FAT1: variants seen among roughly 807,000 people sequenced by gnomAD.
FAT1 encodes the protein FAT atypical cadherin 1.
FAT1 carries 171 observed loss-of-function variants against 329.8 expected under a neutral mutation model. The ratio of observed to expected loss-of-function variants is 0.52; its 90% CI spans 0.46 to 0.59. The LOEUF is 0.59. Ranked by LOEUF, FAT1 falls within the 20% of genes least tolerant of loss-of-function variation. The pLI, the probability that FAT1 is intolerant of heterozygous loss-of-function variation, is 0.00. For missense variants in FAT1, 5,672 were observed against 5,774.4 expected (o/e 0.98, Z 0.57); for synonymous variants, 2,233 against 2,228.6 (o/e 1.00, Z -0.06).
Position 186,639,785 on chromosome 4 carries a change from T to G in FAT1, c.3581-2A>C, listed in dbSNP as rs1388403085. On this transcript the variant is annotated splice_acceptor_variant, in intron 3 of 26. Transcript: ENST00000441802. LOFTEE classifies it high-confidence loss of function. ...TCCTTGACGTAGTTGTGATGAGACC[T>G]GTAAAATGATAACAGTTCATTAATC... 1.9e-6 allele frequency: 3 copies of G among 1,609,864 alleles called. No homozygotes were observed. The highest frequency in any genetic ancestry group is 2.5e-6 in the Non-Finnish European group (3 of 1,176,760).
Position 186,588,460 on chromosome 4 carries a change from G to T in FAT1, c.*132C>A. 1 of 1,086,292 alleles carries T rather than the reference G, an allele frequency of 9.2e-7. No individual in the cohort carries two copies. Among genetic ancestry groups the T allele is most frequent in the Non-Finnish European group, 1.3e-6 (1 of 779,822 alleles). 67.3% of individuals were successfully genotyped at this position (1,086,292 alleles called of 1,614,324 possible). ...GGAAATGGCTAGCACGTCCAGAGGC[G>T]CAGGATCCAGCGCAGCCATGCCCAT... On this transcript the variant is annotated 3_prime_UTR_variant, in exon 27 of 27. Coordinates refer to ENST00000441802, the MANE Select transcript of FAT1 (RefSeq NM_005245.4).
intron 2 of FAT1, among the ~76,000 whole-genome samples, chr4:186,665,360 T>C (rs985502126): frequency 2.6e-5 from 4 of 152,168 alleles, no homozygotes; most frequent in Non-Finnish European, 4.4e-5. Flanking sequence ...GCACCTGTTG[T>C]TTCCTGACTT....
rs202036099 is a variant in FAT1 at position 186,708,403 on chromosome 4, G to A, written c.1425C>T (p.Asn475=). Residue 475 remains asparagine (N), a synonymous_variant, in exon 2 of 27, where the codon AAC becomes AAT. Coordinates refer to ENST00000441802, the MANE Select transcript of FAT1 (RefSeq NM_005245.4). ...TCATGACAGTAGTACCAATGGGCACGTTCTCATCAAAAGCAGCTTTGTACG... is the reference window on the plus strand; with the variant it reads ...TCATGACAGTAGTACCAATGGGCACATTCTCATCAAAAGCAGCTTTGTACG... ...QTAYKAAFDE[N]VPIGTTVMSL... The A allele has an allele frequency of 2.0e-5, 32 of 1,613,938 alleles. No individual in the cohort carries two copies. Among genetic ancestry groups the A allele is most frequent in the Admixed American group, 5.0e-5 (3 of 60,014 alleles).
rs764096275 is a variant in FAT1 at position 186,601,272 on chromosome 4, C to T, written c.11637G>A (p.Leu3879=). The change falls in exon 21 of 27, where the codon TTG becomes TTA. Residue 3879 remains leucine, a synonymous_variant. Transcript: ENST00000441802. ...MYARGTDYSI[L]EIHHGRLQYK... ...GCAACGCTGTGGAGAAACATACCTC[C>T]AAGATGCTATAGTCAGTTCCTCGAG... The T allele has an allele frequency of 6.3e-7, 1 of 1,579,438 alleles. No homozygotes were observed. Among genetic ancestry groups the T allele is most frequent in the Non-Finnish European group, 8.7e-7 (1 of 1,153,412 alleles).
chr4:186,657,876 G>A (rs934329258), intron 3 of FAT1, among the ~76,000 whole-genome samples: 1 of 152,160 alleles, frequency 6.6e-6, no homozygotes, highest in African/African-American at 2.4e-5. Flanking sequence ...TTGCAAGGGT[G>A]GTGTCGATTT....
chr4:186,595,709 G>C lies in FAT1; in HGVS notation c.13118C>G (p.Ser4373Cys), dbSNP rs936159059. The C allele has an allele frequency of 1.2e-6, 2 of 1,613,974 alleles. No individual in the cohort carries two copies. The highest frequency in any genetic ancestry group is 1.7e-6 in the Non-Finnish European group (2 of 1,179,882). ...SEVQSLSSFQ[S>C]ESCDDNGYHW... is the part of the protein sequence containing the mutation. ...CTCACCATTGTCATCGCACGATTCGGACTGGAAGGAGCTCAGAGACTGCAC... is the reference window on the plus strand; with the variant it reads ...CTCACCATTGTCATCGCACGATTCGCACTGGAAGGAGCTCAGAGACTGCAC... The change falls in exon 26 of 27, where the codon TCC becomes TGC. Residue 4373 changes from serine (S) to cysteine (C), a missense_variant. By Grantham distance (112) the Ser-to-Cys change is moderately radical. This residue lies in a region of FAT1 where 1,706 missense variants were observed against 1,859.1 expected (regional missense o/e 0.92). Coordinates refer to ENST00000441802, the MANE Select transcript of FAT1 (RefSeq NM_005245.4).
rs766731406 is a variant in FAT1 at position 186,708,486 on chromosome 4, T to C, written c.1342A>G (p.Lys448Glu). The change falls in exon 2 of 27, where the codon AAG (lysine) becomes GAG (glutamate). Residue 448 changes from lysine to glutamate, a missense_variant. Transcript: ENST00000441802. ...VTTSDRKAST[K>E]VLVKVLGANS... ...GCACCTAAGACTTTCACCAAGACCT[T>C]GGTGGACGCTTTTCTGTCACTTGTT... is the stretch of plus-strand genomic sequence containing the variant. The C allele has an allele frequency of 1.2e-6, 2 of 1,613,992 alleles. No individual in the cohort carries two copies. Among genetic ancestry groups the C allele is most frequent in the South Asian group, 2.2e-5 (2 of 91,076 alleles).
chr4:186,627,888 T>C (rs532813964), intron 9 of FAT1, among the ~76,000 whole-genome samples: 2 of 152,130 alleles, frequency 1.3e-5, no homozygotes, highest in South Asian at 2.1e-4. Context: ...TCAAATAAAG[T>C]TTCCTCTACT....
At chr4:186,686,264 CAT>C (rs939946843) in intron 2 of FAT1, among the ~76,000 whole-genome samples, 27 of 133,828 alleles carry the variant, frequency 2.0e-4, no homozygotes, top group African/African-American at 7.0e-4. Flanking sequence ...CTGAAGAAAA[CAT>C]GTAGCGATTT....
intron 3 of FAT1, among the ~76,000 whole-genome samples, chr4:186,656,852 T>G (rs1741925402): frequency 6.6e-6 from 1 of 151,860 alleles, no homozygotes; most frequent in Non-Finnish European, 1.5e-5. Context: ...TTAAAGGAGG[T>G]GTTTACAGTA....
rs1294856055 is a variant in FAT1, at chr4:186,620,488, G to A, written c.6098C>T (p.Ser2033Leu). ...FKISRTSGVL[S>L]TTGTPFDREQ... ...ACGATCGAAGGGCGTGCCAGTGGTT[G>A]ACAGAACTCCTGAAGTGCGGCTTAT... is the stretch of plus-strand genomic sequence containing the variant. Residue 2033 changes from serine to leucine, a missense_variant, in exon 10 of 27, where the codon TCA (serine) becomes TTA (leucine). Around this residue, in one of 2 missense-constraint regions of FAT1, gnomAD observed 3,966 missense variants for 3,915.2 expected, o/e 1.01. Transcript: ENST00000441802. 1 of 1,613,884 alleles carries A rather than the reference G, an allele frequency of 6.2e-7. No homozygotes were observed. Among genetic ancestry groups the A allele is most frequent in the South Asian group, 1.1e-5 (1 of 91,080 alleles).
chr4:186,629,204 T>C (rs568433301), intron 7 of FAT1, among the ~76,000 whole-genome samples: 1 of 152,326 alleles, frequency 6.6e-6, no homozygotes, highest in South Asian at 2.1e-4. Flanking sequence ...ACTATCCAAA[T>C]TTCTCATTCT....
At chr4:186,609,135 A>G in intron 16 of FAT1, 48 bp downstream of exon 16, 1 of 1,592,694 alleles carries the variant, frequency 6.3e-7, no homozygotes, top group Non-Finnish European at 8.6e-7. Context: ...ATTTCTAGTT[A>G]TTGATGTGGT....
At chr4:186,662,841 A>AT (rs34295738) in intron 3 of FAT1, among the ~76,000 whole-genome samples, 3,995 of 147,796 alleles carry the variant, frequency 0.027, 108 homozygotes, top group African/African-American at 0.069. Flanking sequence ...ATTTAAGCTA[A>AT]TTTTTTTTTT....
chr4:186,698,767 G>C (rs759783169), intron 2 of FAT1, among the ~76,000 whole-genome samples: 2 of 152,230 alleles, frequency 1.3e-5, no homozygotes, highest in African/African-American at 4.8e-5. Flanking sequence ...CCGCCACGGA[G>C]AGACTGGACC....
intron 12 of FAT1, 93 bp downstream of exon 12, chr4:186,614,098 T>C: frequency 8.7e-7 from 1 of 1,153,066 alleles, no homozygotes; most frequent in Non-Finnish European, 1.2e-6. Flanking sequence ...AAGGGCAAAA[T>C]GTAATTTCAA....
At chr4:186,589,243 G>A (rs556917888) in intron 26 of FAT1, 23 bp from the exon 27 acceptor site, 2 of 1,577,402 alleles carry the variant, frequency 1.3e-6, no homozygotes, top group East Asian at 4.5e-5. Flanking sequence ...GAAAACAGAT[G>A]TCAGTGTGTT....
At chr4:186,623,972 C>T (rs1740172089) in intron 9 of FAT1, among the ~76,000 whole-genome samples, 1 of 152,158 alleles carries the variant, frequency 6.6e-6, no homozygotes, top group African/African-American at 2.4e-5. Context: ...ACATGAATCC[C>T]ACATCCATAT....
intron 2 of FAT1, among the ~76,000 whole-genome samples, chr4:186,701,531 G>T (rs148114550): frequency 6.6e-6 from 1 of 152,108 alleles, no homozygotes; most frequent in South Asian, 2.1e-4. Flanking sequence ...CCTCCCACCC[G>T]TCTCTAATCA....
Sources: allele counts gnomAD v4.1 joint callset (sites outside exome capture counted in the v4.1 genomes callset), GRCh38; gene constraint gnomAD v4.1.1; regional missense constraint gnomAD v4.1.1; transcripts MANE v1.5; gene names NCBI Gene and HGNC (gene_info 2026-07-23, HGNC 2026-07-21).